Variants in PCDHGB4 observed in about 807,000 individuals in gnomAD.
The protein encoded by PCDHGB4 is protocadherin gamma-B4.
PCDHGB4 carries 38 observed loss-of-function variants against 60.5 expected under a neutral mutation model. That is an observed-to-expected ratio of 0.63 (90% confidence interval 0.48 to 0.82). The LOEUF is 0.82. PCDHGB4 is among the 40% of genes least tolerant of loss of function. The probability of loss-of-function intolerance (pLI) is 0.00; values close to 1 mark genes in which losing one functional copy is unlikely to be tolerated. For synonymous variants in PCDHGB4, 456 were observed against 509.7 expected (o/e 0.89, Z 1.42); for missense variants, 1,109 against 1,209.6 (o/e 0.92, Z 1.23).
chr5:141,426,094 G>C (rs2096914562), intron 1 of PCDHGB4, among the ~76,000 whole-genome samples: 1 of 152,350 alleles, frequency 6.6e-6, no homozygotes, highest in African/African-American at 2.4e-5. Flanking sequence ...ACGATATTCT[G>C]TTCAGTCACA....
At chr5:141,505,305 C>T (rs1363643214) in intron 2 of PCDHGB4, 88 bp from the exon 3 acceptor site, 2 of 1,595,104 alleles carry the variant, frequency 1.3e-6, no homozygotes, top group Admixed American at 1.7e-5. Flanking sequence ...GGTTAGGGTA[C>T]TAGGTTTGGG....
intron 1 of PCDHGB4, among the ~76,000 whole-genome samples, chr5:141,445,945 C>G (rs1433543714): frequency 1.3e-5 from 2 of 152,254 alleles, no homozygotes; most frequent in Non-Finnish European, 2.9e-5. Flanking sequence ...TAAGCTTACT[C>G]TGGCTGCTAT....
In PCDHGB4 at chr5:141,390,207, C is replaced by G. The variant is rs1359982168; in HGVS notation, c.2323C>G (p.Gln775Glu). The change falls in exon 1 of 4, where the codon CAA becomes GAA. Residue 775 changes from glutamine to glutamate, a missense_variant. By Grantham distance (29) the Gln-to-Glu change is conservative. Transcript: ENST00000519479. ...LKCSEQLSSG[Q>E]DILCGDSSGA... ...ATGTAGTGAGCAGTTGAGTTCAGGACAAGACATACTTTGCGGTGATTCATC... is the reference window on the plus strand; with the variant it reads ...ATGTAGTGAGCAGTTGAGTTCAGGAGAAGACATACTTTGCGGTGATTCATC... The G allele has an allele frequency of 3.1e-6, 5 of 1,614,028 alleles. No homozygotes were observed. The highest frequency in any genetic ancestry group is 1.3e-5 in the African/African-American group (1 of 75,058).
intron 1 of PCDHGB4, chr5:141,394,982 C>G (rs754667421): frequency 2.7e-5 from 44 of 1,613,866 alleles, no homozygotes; most frequent in Non-Finnish European, 3.6e-5. Context: ...ACAAGTCACG[C>G]CTGCTCCAGG....
chr5:141,435,066 G>A (rs936110088), intron 1 of PCDHGB4, among the ~76,000 whole-genome samples: 3 of 151,920 alleles, frequency 2.0e-5, no homozygotes, highest in African/African-American at 7.3e-5. Context: ...GCAGTTTTGT[G>A]TAGACCGTCT....
At chr5:141,478,189 C>T (rs774322691) in intron 1 of PCDHGB4, 1 of 1,614,020 alleles carries the variant, frequency 6.2e-7, no homozygotes, top group South Asian at 1.1e-5. Context: ...AAAATCTCAC[C>T]TTTTATCTAC....
intron 1 of PCDHGB4, among the ~76,000 whole-genome samples, chr5:141,465,219 C>A (rs1272266733): frequency 6.6e-6 from 1 of 152,004 alleles, no homozygotes; most frequent in Non-Finnish European, 1.5e-5. Context: ...TATTTTTCAA[C>A]ATGAGCTCCA....
In PCDHGB4 at chr5:141,435,388, G is replaced by T. The variant is rs186494703; in HGVS notation, c.2397+45107G>T. Among the ~76,000 whole-genome samples, 241 of 152,094 alleles carry T rather than the reference G, an allele frequency of 1.6e-3. 5 individuals carry two copies. Among genetic ancestry groups the T allele is most frequent in the Non-Finnish European group, 2.1e-4 (14 of 67,992 alleles). The stretch of plus-strand genomic sequence containing the variant: ...ACTTAAATATACAATATACCGTATT[G>T]CCATGACGAAAAATGGTAAAGACTA... On this transcript the variant is annotated intron_variant, in intron 1 of 3. Transcript: ENST00000519479.
intron 1 of PCDHGB4, among the ~76,000 whole-genome samples, chr5:141,470,205 G>T (rs934926584): frequency 6.6e-6 from 1 of 152,094 alleles, no homozygotes; most frequent in Non-Finnish European, 1.5e-5. Flanking sequence ...AAATATGAAG[G>T]CTAAACCATT....
chr5:141,511,233 TACCTGC>T lies in PCDHGB4; in HGVS notation c.*64_*69del. 4 of 1,595,428 alleles carry T rather than the reference TACCTGC, an allele frequency of 2.5e-6. No individual in the cohort carries two copies. The highest frequency in any genetic ancestry group is 3.4e-6 in the Non-Finnish European group (4 of 1,170,894). ...CTCCCCAACCAGCCCAGCTTCTCCT[TACCTGC>T]ACCCAGGCCTCAGAGTTTCAGGGCT... On this transcript the variant is annotated 3_prime_UTR_variant, in exon 4 of 4. Transcript: ENST00000519479.
At chr5:141,405,436 T>C (rs2094666141) in intron 1 of PCDHGB4, 1 of 1,458,154 alleles carries the variant, frequency 6.9e-7, no homozygotes. Flanking sequence ...TGTTTTGTTT[T>C]TGAGACAGAG....
At chr5:141,391,258 T>C (rs1419386522) in intron 1 of PCDHGB4, 3 of 152,182 alleles carry the variant, frequency 2.0e-5, no homozygotes, top group African/African-American at 7.2e-5. Context: ...ACTGCTTCAG[T>C]TAATGGCCAC....
chr5:141,403,169 C>T, intron 1 of PCDHGB4: 13 of 1,614,016 alleles, frequency 8.1e-6, no homozygotes, highest in Non-Finnish European at 1.1e-5. Flanking sequence ...AGGTAGGACG[C>T]AGCTTTTCTC....
rs1310725827 is a variant in PCDHGB4, at chr5:141,500,934, T to C, written c.2457-4459T>C. The stretch of plus-strand genomic sequence containing the variant: ...TCCAGGCTGGGGTGCAGTGGCGCCA[T>C]CTCGGCTCACTGCAAGCTCCACCTC... On this transcript the variant is annotated intron_variant, in intron 2 of 3. Transcript: ENST00000519479. 5.9e-5 allele frequency among the ~76,000 whole-genome samples: 9 copies of C among 151,906 alleles called. 1 individual carries two copies. Among genetic ancestry groups the C allele is most frequent in the Non-Finnish European group, 1.3e-4 (9 of 68,020 alleles).
chr5:141,417,525 C>G (rs1435259680), intron 1 of PCDHGB4: 1 of 272,692 alleles, frequency 3.7e-6, no homozygotes, highest in African/African-American at 2.2e-5. Flanking sequence ...GCTGTCAACT[C>G]GTAGTTTAAA....
intron 1 of PCDHGB4, chr5:141,404,006 C>A: frequency 6.2e-7 from 1 of 1,613,804 alleles, no homozygotes; most frequent in Non-Finnish European, 8.5e-7. Context: ...CATTACATCT[C>A]TGTTTAGCCC....
rs375404779 is a variant in PCDHGB4 at position 141,419,760 on chromosome 5, A to T, written c.2397+29479A>T. 11 of 1,613,876 alleles carry T rather than the reference A, an allele frequency of 6.8e-6. No homozygotes were observed. The highest frequency in any genetic ancestry group is 9.3e-6 in the Non-Finnish European group (11 of 1,179,904). On this transcript the variant is annotated intron_variant, in intron 1 of 3. Coordinates refer to ENST00000519479, the MANE Select transcript of PCDHGB4 (RefSeq NM_003736.4). ...GTGCGCATGGTGCGTGCTTTGGGTG[A>T]CAAGGACTCGGTCCGCCAGCGCCTG...
intron 2 of PCDHGB4, among the ~76,000 whole-genome samples, chr5:141,502,857 ACT>A (rs1332453483): frequency 7.7e-5 from 7 of 91,446 alleles, no homozygotes; most frequent in African/African-American, 4.1e-4. Flanking sequence ...CCTAACCCTG[ACT>A]CTCTGTCTTT....
intron 1 of PCDHGB4, chr5:141,398,997 G>A: frequency 6.2e-7 from 1 of 1,613,934 alleles, no homozygotes; most frequent in Non-Finnish European, 8.5e-7. Flanking sequence ...TCTTTAGTCT[G>A]AATTCAAAGA....
Sources: allele counts gnomAD v4.1 joint callset (sites outside exome capture counted in the v4.1 genomes callset), GRCh38; gene constraint gnomAD v4.1.1; transcripts MANE v1.5; gene names NCBI Gene and HGNC (gene_info 2026-07-23, HGNC 2026-07-21).